MMRN1: variants seen among roughly 807,000 people sequenced by gnomAD.
The protein encoded by MMRN1 is multimerin 1.
In MMRN1, 94 loss-of-function variants were observed where a neutral mutation model predicts 100.7. That is an observed-to-expected ratio of 0.93 (90% CI 0.79 to 1.11). The LOEUF is 1.11. Ranked by LOEUF, MMRN1 falls within the 50% of genes least tolerant of loss-of-function variation. The pLI, the probability that MMRN1 is intolerant of heterozygous loss-of-function variation, is 0.00. For synonymous variants in MMRN1, 575 were observed against 505.0 expected (o/e 1.14, Z -1.86); for missense variants, 1,606 against 1,439.1 (o/e 1.12, Z -1.88).
chr4:89,913,451 T>G (rs1196243359), intron 3 of MMRN1, among the ~76,000 whole-genome samples: 1 of 151,272 alleles, frequency 6.6e-6, no homozygotes, highest in Non-Finnish European at 1.5e-5. Flanking sequence ...GCTCCGTGCT[T>G]CAACCTTTTA....
intron 1 of MMRN1, among the ~76,000 whole-genome samples, chr4:89,903,724 CCAGA>C (rs1440554208): frequency 6.6e-6 from 1 of 151,594 alleles, no homozygotes; most frequent in Non-Finnish European, 1.5e-5. Flanking sequence ...GTCACTTTTG[CCAGA>C]CAAAGTCATG....
intron 3 of MMRN1, among the ~76,000 whole-genome samples, chr4:89,922,602 T>G (rs181687994): frequency 2.6e-5 from 4 of 152,332 alleles, no homozygotes; most frequent in Non-Finnish European, 2.9e-5. Context: ...ACTTTACCAG[T>G]TGATTTGCTT....
chr4:89,905,476 A>G (rs1346368991), intron 1 of MMRN1, among the ~76,000 whole-genome samples: 1 of 151,538 alleles, frequency 6.6e-6, no homozygotes, highest in African/African-American at 2.4e-5. Flanking sequence ...TGCAAACTGT[A>G]GTCATTTTTA....
At chr4:89,947,840 C>T (rs1421380168) in intron 6 of MMRN1, among the ~76,000 whole-genome samples, 1 of 151,850 alleles carries the variant, frequency 6.6e-6, no homozygotes, top group Non-Finnish European at 1.5e-5. Context: ...AGGTGGTGTA[C>T]AAAAGTTGAT....
intron 1 of MMRN1, among the ~76,000 whole-genome samples, chr4:89,887,920 A>G (rs540094984): frequency 6.6e-6 from 1 of 152,066 alleles, no homozygotes; most frequent in East Asian, 1.9e-4. Context: ...TTCACACTAC[A>G]TATGAAATTA....
At chr4:89,901,606 TA>T (rs1721391123) in intron 1 of MMRN1, among the ~76,000 whole-genome samples, 1 of 152,010 alleles carries the variant, frequency 6.6e-6, no homozygotes, top group Admixed American at 6.6e-5. Context: ...TACATGCTGT[TA>T]AATTCTAAAG....
At chr4:89,887,740 T>C (rs1187310736) in intron 1 of MMRN1, among the ~76,000 whole-genome samples, 2 of 152,008 alleles carry the variant, frequency 1.3e-5, no homozygotes, top group Non-Finnish European at 2.9e-5. Context: ...ACTTCTCACA[T>C]ATAACATCAG....
At chr4:89,941,167 C>A (rs79711544) in intron 6 of MMRN1, among the ~76,000 whole-genome samples, 4,439 of 152,092 alleles carry the variant, frequency 0.029, 202 homozygotes, top group African/African-American at 0.099. Flanking sequence ...AATATAAGCC[C>A]GTTAAATTTT....
At chr4:89,915,567 C>CA (rs976884799) in intron 3 of MMRN1, among the ~76,000 whole-genome samples, 5 of 149,698 alleles carry the variant, frequency 3.3e-5, no homozygotes, top group African/African-American at 9.8e-5. Flanking sequence ...GGAAGGAAAA[C>CA]AAAAAAAACT....
intron 3 of MMRN1, among the ~76,000 whole-genome samples, chr4:89,918,708 T>A (rs996540390): frequency 1.7e-4 from 26 of 151,846 alleles, no homozygotes; most frequent in Admixed American, 1.4e-3. Flanking sequence ...CCAAAATTTT[T>A]AAAAAGCAGA....
intron 3 of MMRN1, among the ~76,000 whole-genome samples, chr4:89,921,933 G>T (rs1410566360): frequency 1.3e-5 from 2 of 152,076 alleles, no homozygotes; most frequent in East Asian, 3.9e-4. Context: ...AGTTTCATTG[G>T]TTCATAAACT....
At chr4:89,898,580 T>C (rs759916362) in intron 1 of MMRN1, among the ~76,000 whole-genome samples, 4 of 151,802 alleles carry the variant, frequency 2.6e-5, no homozygotes, top group Non-Finnish European at 4.4e-5. Context: ...AGTCACACGA[T>C]GCCATCCTAG....
intron 3 of MMRN1, among the ~76,000 whole-genome samples, chr4:89,915,934 A>C (rs1721897981): frequency 6.6e-6 from 1 of 151,680 alleles, no homozygotes; most frequent in Non-Finnish European, 1.5e-5. Flanking sequence ...CAAGTGAAAG[A>C]CAGATTGCTT....
chr4:89,881,006 A>G (rs1720803366), intron 1 of MMRN1, among the ~76,000 whole-genome samples: 1 of 152,298 alleles, frequency 6.6e-6, no homozygotes, highest in South Asian at 2.1e-4. Context: ...TGTAATAACT[A>G]TTGGGATTTA....
intron 2 of MMRN1, 39 bp from the exon 3 acceptor site, chr4:89,911,905 A>AC: frequency 7.3e-7 from 1 of 1,364,238 alleles, no homozygotes; most frequent in Non-Finnish European, 1.0e-6. Context: ...TTAATGTGAA[A>AC]CAAATAATCG....
At chr4:89,888,684 A>T (rs1266315623) in intron 1 of MMRN1, among the ~76,000 whole-genome samples, 4 of 152,008 alleles carry the variant, frequency 2.6e-5, no homozygotes, top group Non-Finnish European at 5.9e-5. Flanking sequence ...CCTATTTTCA[A>T]GCTAACTGCT....
At chr4:89,928,595 C>A (rs1722339688) in intron 5 of MMRN1, among the ~76,000 whole-genome samples, 2 of 152,118 alleles carry the variant, frequency 1.3e-5, no homozygotes, top group Admixed American at 1.3e-4. Flanking sequence ...AAGATGCTGG[C>A]AGAATTCATT....
chr4:89,939,114 G>A (rs1171135950), intron 6 of MMRN1, among the ~76,000 whole-genome samples: 4 of 152,038 alleles, frequency 2.6e-5, no homozygotes, highest in African/African-American at 9.7e-5. Flanking sequence ...TGTAAGAATA[G>A]AACAATTGCA....
At chr4:89,948,602 G>A (rs1207595098) in intron 6 of MMRN1, among the ~76,000 whole-genome samples, 1 of 152,184 alleles carries the variant, frequency 6.6e-6, no homozygotes, top group Non-Finnish European at 1.5e-5. Flanking sequence ...CTTGACAGAA[G>A]TGTAAGTTCA....
Sources: gnomAD v4.1 joint callset for allele counts (sites outside exome capture counted in the v4.1 genomes callset) on GRCh38, gnomAD v4.1.1 for gene constraint, MANE v1.5 for transcripts, NCBI Gene and HGNC (gene_info 2026-07-23, HGNC 2026-07-21) for gene names.